Variants in NGLY1 observed in about 807,000 individuals in gnomAD.
NGLY1 encodes the protein peptide-N(4)-(N-acetyl-beta-glucosaminyl)asparagine amidase.
In NGLY1, 68 loss-of-function variants were observed where a neutral mutation model predicts 84.6. The ratio of observed to expected loss-of-function variants is 0.80; its 90% confidence interval spans 0.66 to 0.98. The LOEUF is 0.98. Among genes scored for constraint, NGLY1 ranks in the 50% least tolerant of loss-of-function variants. The pLI, the probability that NGLY1 is intolerant of heterozygous loss-of-function variation, is 0.00. For missense variants in NGLY1, 779 were observed against 770.2 expected (o/e 1.01, Z -0.14); for synonymous variants, 280 against 275.2 (o/e 1.02, Z -0.17).
At chr3:25,759,395 T>C (rs1364227500) in intron 3 of NGLY1, among the ~76,000 whole-genome samples, 1 of 152,152 alleles carries the variant, frequency 6.6e-6, no homozygotes, top group Non-Finnish European at 1.5e-5. Context: ...TAGTGTCTCA[T>C]TTTATTTTTC....
chr3:25,734,239 T>C (rs532378336), intron 7 of NGLY1: 2 of 296,488 alleles, frequency 6.7e-6, no homozygotes, highest in South Asian at 5.0e-5. Flanking sequence ...CTGATTTTTG[T>C]ATTGTTTTAA....
At chr3:25,770,646 C>T (rs1221913221) in intron 2 of NGLY1, among the ~76,000 whole-genome samples, 1 of 152,190 alleles carries the variant, frequency 6.6e-6, no homozygotes, top group Non-Finnish European at 1.5e-5. Context: ...ACTCTCCATG[C>T]TGTTTTCCAT....
At chr3:25,750,993 T>G (rs1327061429) in intron 4 of NGLY1, 105 bp downstream of exon 4, 1 of 1,104,754 alleles carries the variant, frequency 9.1e-7, no homozygotes, top group Non-Finnish European at 1.3e-6. Context: ...AGTGGACCCA[T>G]GCAGTTCAAA....
chr3:25,739,823 G>C, intron 4 of NGLY1, 24 bp from the exon 5 acceptor site: 1 of 1,579,336 alleles, frequency 6.3e-7, no homozygotes. Context: ...GGAGGACCAA[G>C]TAAGAGCTAA....
chr3:25,746,382 T>G (rs1481951911), intron 4 of NGLY1, among the ~76,000 whole-genome samples: 1 of 152,196 alleles, frequency 6.6e-6, no homozygotes, highest in African/African-American at 2.4e-5. Flanking sequence ...TAATTAAAAC[T>G]TTTTAAGCGT....
chr3:25,719,466 G>A lies in NGLY1; in HGVS notation c.1959C>T (p.Asp653=). ...NCLEIIIKFS[D]L is the part of the protein sequence containing the mutation. ...TTCTATAATGTTCAGGTTCTCAAAG[G>A]TCACTGAATTTTATAATTATCTCCA... The change falls in exon 12 of 12, where the codon GAC becomes GAT. Residue 653 remains aspartate (D), a synonymous_variant. Coordinates refer to ENST00000280700, the MANE Select transcript of NGLY1 (RefSeq NM_018297.4). 6.2e-7 allele frequency: 1 copy of A among 1,613,016 alleles called. No individual in the cohort carries two copies. Among genetic ancestry groups the A allele is most frequent in the East Asian group, 2.2e-5 (1 of 44,854 alleles).
In NGLY1 at chr3:25,783,209, G is replaced by A. The variant is rs771406818; in HGVS notation, c.131+51C>T. On this transcript the variant is annotated intron_variant, in intron 1 of 11. Transcript: ENST00000280700. This position sits in a 1 kb window ranked among gnomAD's most constrained non-coding sequence, Gnocchi z 4.5. ...GCCCCAGTCCCTGGCCGAACAAGGTGCCGCGGCCCACCCACCCCGGTACCC... is the reference window on the plus strand; with the variant it reads ...GCCCCAGTCCCTGGCCGAACAAGGTACCGCGGCCCACCCACCCCGGTACCC... 6.5e-7 allele frequency: 1 copy of A among 1,541,060 alleles called. No individual in the cohort carries two copies. Among genetic ancestry groups the A allele is most frequent in the South Asian group, 1.1e-5 (1 of 88,470 alleles).
rs71624610 is a variant in NGLY1, at chr3:25,759,917, A to AAC, written c.492+4147_492+4148dup. 0.042 allele frequency among the ~76,000 whole-genome samples: 1,767 copies of AAC among 41,814 alleles called. 25 individuals are homozygous for AAC. The East Asian group carries it at 0.47, about 11-fold the overall frequency. The allele number at this position is 41,814 out of a possible 152,430, so 27.4% of individuals were successfully genotyped here. A position where few individuals can be genotyped will look rare whatever the true frequency, so the allele number is the denominator to read the frequency against. On this transcript the variant is annotated intron_variant, in intron 3 of 11. Coordinates refer to ENST00000280700, the MANE Select transcript of NGLY1 (RefSeq NM_018297.4). Reference sequence around the variant, plus strand: ...GCAAATTCACTTCTTTAGTTAAAAAAACACACACACACACACACACACACA... The same window carrying AAC: ...GCAAATTCACTTCTTTAGTTAAAAAAACACACACACACACACACACACACACA...
At chr3:25,767,473 C>T (rs1575654246) in intron 2 of NGLY1, among the ~76,000 whole-genome samples, 1 of 152,146 alleles carries the variant, frequency 6.6e-6, no homozygotes, top group South Asian at 2.1e-4. Context: ...TTCCCGTACT[C>T]ATCTTCAACA....
At chr3:25,785,906 A>G (rs959675331), upstream of NGLY1, among the ~76,000 whole-genome samples, 1 of 152,186 alleles carries the variant, frequency 6.6e-6, no homozygotes, top group Non-Finnish European at 1.5e-5. Flanking sequence ...ACTGTAAGTT[A>G]TCATTAGTTT....
chr3:25,755,201 G>C (rs1046273794), intron 3 of NGLY1: 2 of 1,357,478 alleles, frequency 1.5e-6, no homozygotes, highest in South Asian at 1.2e-5. Context: ...TTTCTTACTG[G>C]ATATTGCAAG....
At position 25,725,613 on chromosome 3, in the gene NGLY1, G is replaced by C. The variant is rs959408061; in HGVS notation, c.1611+3520C>G. 4.6e-5 allele frequency among the ~76,000 whole-genome samples: 7 copies of C among 152,160 alleles called. 1 individual carries two copies. Among genetic ancestry groups the C allele is most frequent in the East Asian group, 3.9e-4 (2 of 5,192 alleles). On this transcript the variant is annotated intron_variant, in intron 10 of 11. Coordinates refer to ENST00000280700, the MANE Select transcript of NGLY1 (RefSeq NM_018297.4). ...TGGTATCTAATGTTATCTCCAGGAA[G>C]ATCATGTTAGAATTGATTGGATTAG...
chr3:25,726,274 C>G (rs1181196139), intron 10 of NGLY1, among the ~76,000 whole-genome samples: 3 of 152,072 alleles, frequency 2.0e-5, no homozygotes, highest in African/African-American at 7.2e-5. Flanking sequence ...TACTATGTAT[C>G]GGGTACTATG....
chr3:25,757,143 A>G (rs1707081198), intron 3 of NGLY1, among the ~76,000 whole-genome samples: 1 of 152,230 alleles, frequency 6.6e-6, no homozygotes, highest in Non-Finnish European at 1.5e-5. Flanking sequence ...GAAATGTCTC[A>G]AATGTCTCAT....
rs1176380419 is a variant in NGLY1 at position 25,779,954 on chromosome 3, TTTTC to T, written c.132-1270_132-1267del. Among the ~76,000 whole-genome samples the T allele has an allele frequency of 3.3e-5, 5 of 152,198 alleles. No individual in the cohort carries two copies. In the East Asian group the frequency reaches 5.8e-4, roughly 18 times the overall value. ...CCCATACACAAGTAGTACAGAAATT[TTTTC>T]TTTGTTTGTTTACAAGTGCATAAAA... On this transcript the variant is annotated intron_variant, in intron 1 of 11. Transcript: ENST00000280700.
At position 25,750,248 on chromosome 3, in the gene NGLY1, G is replaced by A. The variant is rs921868870; in HGVS notation, c.658+850C>T. ...GAGCAGCATCAGGGAAACCACCACC[G>A]TGATTCAATTACCTCCAACTGGTCC... On this transcript the variant is annotated intron_variant, in intron 4 of 11. Transcript: ENST00000280700. Among the ~76,000 whole-genome samples the A allele has an allele frequency of 2.6e-5, 4 of 152,100 alleles. No homozygotes were observed. In the East Asian group the frequency reaches 5.8e-4, roughly 22 times the overall value.
intron 2 of NGLY1, among the ~76,000 whole-genome samples, chr3:25,774,918 GT>G (rs1200385736): frequency 2.6e-5 from 4 of 152,286 alleles, no homozygotes; most frequent in Non-Finnish European, 5.9e-5. Context: ...AAGGACCCCT[GT>G]GAGATAAAGT....
chr3:25,761,005 C>T (rs545275659), intron 3 of NGLY1, among the ~76,000 whole-genome samples: 4 of 149,182 alleles, frequency 2.7e-5, no homozygotes, highest in Non-Finnish European at 4.4e-5. Flanking sequence ...TTAACTAGTT[C>T]GTTTTATTAT....
At chr3:25,736,395 G>C (rs1282443388) in intron 6 of NGLY1, 1 of 1,548,732 alleles carries the variant, frequency 6.5e-7, no homozygotes, top group Non-Finnish European at 8.7e-7. Context: ...AATGTGCGCT[G>C]TAACTCTTAA....
Sources: allele counts gnomAD v4.1 joint callset (sites outside exome capture counted in the v4.1 genomes callset), GRCh38; gene constraint gnomAD v4.1.1; non-coding constraint Gnocchi (gnomAD v3.1); transcripts MANE v1.5; gene names NCBI Gene and HGNC (gene_info 2026-07-23, HGNC 2026-07-21).